CPXM2: variants seen among roughly 807,000 people sequenced by gnomAD.
CPXM2 encodes carboxypeptidase X, M14 family member 2.
A neutral mutation model predicts 86.1 loss-of-function variants in CPXM2; 66 were observed. That is an observed-to-expected ratio of 0.77 (90% CI 0.63 to 0.94). CPXM2 has a LOEUF of 0.94. Among genes scored for constraint, CPXM2 ranks in the 40% least tolerant of loss-of-function variants. The probability of loss-of-function intolerance (pLI) is 0.00; values close to 1 mark genes in which losing one functional copy is unlikely to be tolerated. For missense variants in CPXM2, 948 were observed against 1,026.3 expected, an observed-to-expected ratio of 0.92 and a Z score of 1.04; for synonymous variants, 388 against 400.2, an observed-to-expected ratio of 0.97 and a Z score of 0.36.
chr10:123,877,199 G>A (rs1220662679), intron 2 of CPXM2, among the ~76,000 whole-genome samples: 3 of 152,162 alleles, frequency 2.0e-5, no homozygotes, highest in African/African-American at 7.2e-5. Flanking sequence ...AAATAACATG[G>A]CATAAGGTAA....
At chr10:123,872,270 A>C (rs1944907658) in intron 2 of CPXM2, among the ~76,000 whole-genome samples, 1 of 152,226 alleles carries the variant, frequency 6.6e-6, no homozygotes, top group African/African-American at 2.4e-5. Context: ...AAAAAACTGA[A>C]AACAATCCAA....
chr10:123,838,380 G>T (rs1172981815), intron 4 of CPXM2, among the ~76,000 whole-genome samples: 1 of 152,150 alleles, frequency 6.6e-6, no homozygotes, highest in Non-Finnish European at 1.5e-5. Context: ...CTTGAACCTG[G>T]GAGGTGGAGG....
At chr10:123,871,167 C>T (rs1026673796) in intron 2 of CPXM2, among the ~76,000 whole-genome samples, 1 of 152,222 alleles carries the variant, frequency 6.6e-6, no homozygotes, top group African/African-American at 2.4e-5. Context: ...ACTTCCTCCC[C>T]TGCACTCAAC....
At chr10:123,929,460 A>G (rs1467308555) in intron 2 of CPXM2, among the ~76,000 whole-genome samples, 1 of 152,224 alleles carries the variant, frequency 6.6e-6, no homozygotes, top group Non-Finnish European at 1.5e-5. Flanking sequence ...CAGAACAGCA[A>G]CTGAATCTGA....
At chr10:123,756,209 G>A (rs1427785934) in intron 12 of CPXM2, among the ~76,000 whole-genome samples, 3 of 152,338 alleles carry the variant, frequency 2.0e-5, no homozygotes, top group Non-Finnish European at 4.4e-5. Context: ...CTTCCTAATG[G>A]ATGGAGGTTA....
At chr10:123,792,517 C>A (rs114903343) in intron 6 of CPXM2, among the ~76,000 whole-genome samples, 1,531 of 152,218 alleles carry the variant, frequency 0.01, 29 homozygotes, top group African/African-American at 0.033. Context: ...AACCCAGAAG[C>A]CCCAGAGACA....
chr10:123,849,801 A>C (rs1010841202), intron 3 of CPXM2, among the ~76,000 whole-genome samples: 1 of 152,208 alleles, frequency 6.6e-6, no homozygotes. Flanking sequence ...ATTTTATAAT[A>C]GATACAGAAA....
At chr10:123,853,908 AAAAG>A (rs767838767) in intron 3 of CPXM2, among the ~76,000 whole-genome samples, 23 of 152,222 alleles carry the variant, frequency 1.5e-4, no homozygotes, top group Non-Finnish European at 1.5e-4. Context: ...CAGTCTCAAA[AAAAG>A]AAAGAAAGAA....
At chr10:123,809,446 A>G (rs1847645373) in intron 4 of CPXM2, among the ~76,000 whole-genome samples, 1 of 152,210 alleles carries the variant, frequency 6.6e-6, no homozygotes, top group Admixed American at 6.5e-5. Flanking sequence ...GTCATAGTGC[A>G]TGATAAGTAC....
At chr10:123,768,455 G>A in intron 9 of CPXM2, 71 bp downstream of exon 9, 2 of 1,229,578 alleles carry the variant, frequency 1.6e-6, no homozygotes, top group Non-Finnish European at 2.3e-6. Context: ...ATAGCCCTAG[G>A]GCCAGACATA....
chr10:123,759,777 C>T (rs997586143), intron 11 of CPXM2, among the ~76,000 whole-genome samples: 1 of 152,188 alleles, frequency 6.6e-6, no homozygotes, highest in Non-Finnish European at 1.5e-5. Flanking sequence ...CTGCCTTCAC[C>T]GTGGAGGAGA....
intron 4 of CPXM2, among the ~76,000 whole-genome samples, chr10:123,840,144 T>C (rs1848358056): frequency 6.6e-6 from 1 of 152,142 alleles, no homozygotes; most frequent in Non-Finnish European, 1.5e-5. Context: ...AAGGCAAAAA[T>C]CCCCATGGAT....
intron 2 of CPXM2, among the ~76,000 whole-genome samples, chr10:123,905,444 A>G (rs1945430382): frequency 6.6e-6 from 1 of 152,150 alleles, no homozygotes; most frequent in Non-Finnish European, 1.5e-5. Context: ...TCAAGGCCTC[A>G]GCTGTCCCAT....
intron 6 of CPXM2, among the ~76,000 whole-genome samples, chr10:123,785,739 T>G (rs1194681422): frequency 6.6e-6 from 1 of 151,858 alleles, no homozygotes; most frequent in Non-Finnish European, 1.5e-5. Flanking sequence ...TTCACGCCAT[T>G]CTCCTGTCTC....
intron 1 of CPXM2, among the ~76,000 whole-genome samples, chr10:123,890,527 T>G (rs913619034): frequency 6.6e-6 from 1 of 152,238 alleles, no homozygotes; most frequent in African/African-American, 2.4e-5. Context: ...CCAGAGAATT[T>G]GGCCACATTC....
intron 4 of CPXM2, among the ~76,000 whole-genome samples, chr10:123,826,010 A>C (rs1848037913): frequency 6.6e-6 from 1 of 152,230 alleles, no homozygotes; most frequent in African/African-American, 2.4e-5. Flanking sequence ...AGCATCATGT[A>C]GTTCCAGCAA....
intron 13 of CPXM2, among the ~76,000 whole-genome samples, chr10:123,747,946 G>A (rs1022789860): frequency 3.6e-5 from 5 of 139,404 alleles, no homozygotes; most frequent in Admixed American, 1.4e-4. Flanking sequence ...AAAAAAGACA[G>A]GTTCTAGGCT....
intron 6 of CPXM2, among the ~76,000 whole-genome samples, chr10:123,796,964 C>T (rs1847347642): frequency 6.6e-6 from 1 of 152,232 alleles, no homozygotes; most frequent in Non-Finnish European, 1.5e-5. Context: ...CAGCCACCTT[C>T]TTTGGAGATG....
intron 2 of CPXM2, among the ~76,000 whole-genome samples, chr10:123,916,856 C>T (rs7098375): frequency 0.38 from 57,217 of 151,472 alleles, 11,012 homozygotes; most frequent in Middle Eastern, 0.58. Flanking sequence ...TAGCTCACCA[C>T]AGCTTGGAAC....
Sources: gnomAD v4.1 joint callset for allele counts (sites outside exome capture counted in the v4.1 genomes callset) on GRCh38, gnomAD v4.1.1 for gene constraint, MANE v1.5 for transcripts, NCBI Gene and HGNC (gene_info 2026-07-23, HGNC 2026-07-21) for gene names.